The following RALGPS2 variants were observed in gnomAD, a reference collection of about 807,000 sequenced individuals.
RALGPS2 encodes the protein Ral GEF with PH domain and SH3 binding motif 2.
In RALGPS2, 43 loss-of-function variants were observed where a neutral mutation model predicts 86.8. The ratio of observed to expected loss-of-function variants is 0.50; its 90% CI spans 0.39 to 0.64. The LOEUF is 0.64. Ranked by LOEUF, RALGPS2 falls within the 30% of genes least tolerant of loss-of-function variation. RALGPS2 has a pLI of 0.00. For missense variants in RALGPS2, 536 were observed against 694.6 expected, an observed-to-expected ratio of 0.77 and a Z score of 2.57; for synonymous variants, 243 against 231.3, an observed-to-expected ratio of 1.05 and a Z score of -0.46.
intron 10 of RALGPS2, among the ~76,000 whole-genome samples, chr1:178,881,649 C>G (rs1659251347): frequency 6.6e-6 from 1 of 152,024 alleles, no homozygotes; most frequent in South Asian, 2.1e-4. Context: ...TGGGGTTTCA[C>G]CATATTGGCC....
intron 8 of RALGPS2, among the ~76,000 whole-genome samples, chr1:178,847,394 C>T (rs377257379): frequency 1.3e-5 from 2 of 151,674 alleles, no homozygotes; most frequent in South Asian, 2.1e-4. Flanking sequence ...TGCAGTGAGC[C>T]GAGATTGTGC....
intron 8 of RALGPS2, among the ~76,000 whole-genome samples, chr1:178,847,578 A>G (rs1168375073): frequency 6.6e-6 from 1 of 152,228 alleles, no homozygotes; most frequent in Non-Finnish European, 1.5e-5. Context: ...ACTAGAATAA[A>G]AAGACTAAAA....
intron 8 of RALGPS2, among the ~76,000 whole-genome samples, chr1:178,835,376 A>G (rs1252765482): frequency 4.1e-5 from 6 of 147,282 alleles, no homozygotes; most frequent in Non-Finnish European, 6.0e-5. Context: ...GAGCATTGTG[A>G]TATCTTCTTT....
intron 6 of RALGPS2, among the ~76,000 whole-genome samples, chr1:178,818,701 A>C (rs1375179833): frequency 6.6e-6 from 1 of 152,238 alleles, no homozygotes; most frequent in Non-Finnish European, 1.5e-5. Flanking sequence ...ATTTTACTTT[A>C]GCAAAATCTG....
At position 178,886,068 on chromosome 1, in the gene RALGPS2, G is replaced by T. The variant is rs769742333; in HGVS notation, c.1140G>T (p.Ala380=). The T allele has an allele frequency of 1.2e-6, 2 of 1,613,532 alleles. No homozygotes were observed. Among genetic ancestry groups the T allele is most frequent in the Admixed American group, 3.3e-5 (2 of 59,902 alleles). ...LLDDSVMEPH[A]PSRGQAESST... is the part of the protein sequence containing the mutation. Reference sequence around the variant, plus strand: ...ATGATAGCGTCATGGAGCCCCATGCGCCATCTCGAGGCCAAGCTGAAAGTT... The same window carrying T: ...ATGATAGCGTCATGGAGCCCCATGCTCCATCTCGAGGCCAAGCTGAAAGTT... Residue 380 remains alanine (A), a synonymous_variant, in exon 13 of 20, where the codon GCG becomes GCT. Coordinates refer to ENST00000367635, the MANE Select transcript of RALGPS2 (RefSeq NM_152663.5).
At chr1:178,877,353 C>G in intron 8 of RALGPS2, 145 bp from the exon 9 acceptor site, 1 of 1,264,570 alleles carries the variant, frequency 7.9e-7, no homozygotes, top group Non-Finnish European at 1.1e-6. Flanking sequence ...CATATGTTAC[C>G]CAGGCTTCAG....
intron 6 of RALGPS2, among the ~76,000 whole-genome samples, chr1:178,819,042 G>A (rs1350129419): frequency 6.7e-6 from 1 of 149,110 alleles, no homozygotes; most frequent in East Asian, 2.0e-4. Flanking sequence ...AGGCTAGAGT[G>A]CAGTGGCTCA....
rs762622080 is a variant in RALGPS2 at position 178,852,312 on chromosome 1, A to C, written c.607+18762A>C. On this transcript the variant is annotated intron_variant, in intron 8 of 19. Coordinates refer to ENST00000367635, the MANE Select transcript of RALGPS2 (RefSeq NM_152663.5). Reference sequence around the variant, plus strand: ...TGTTTTGTCTCTCCTCCAGTGAGTAAGCTCCAAAGGGCGGGAACTTTGTTC... The same window carrying C: ...TGTTTTGTCTCTCCTCCAGTGAGTACGCTCCAAAGGGCGGGAACTTTGTTC... Among the ~76,000 whole-genome samples, 74 of 152,158 alleles carry C rather than the reference A, an allele frequency of 4.9e-4. 1 individual carries two copies. Among genetic ancestry groups the C allele is most frequent in the Admixed American group, 4.8e-3 (74 of 15,260 alleles).
intron 1 of RALGPS2, among the ~76,000 whole-genome samples, chr1:178,738,344 G>T (rs1650838798): frequency 6.6e-6 from 1 of 151,798 alleles, no homozygotes; most frequent in East Asian, 1.9e-4. Flanking sequence ...AAATAGCTGG[G>T]ATTACAGGCA....
At chr1:178,896,066 C>A (rs1222581900) in intron 16 of RALGPS2, among the ~76,000 whole-genome samples, 1 of 151,988 alleles carries the variant, frequency 6.6e-6, no homozygotes, top group Non-Finnish European at 1.5e-5. Context: ...AACTAAGGAA[C>A]TGTTATCCCA....
intron 14 of RALGPS2, 92 bp downstream of exon 14, chr1:178,889,788 T>G (rs1659644809): frequency 1.1e-6 from 1 of 888,530 alleles, no homozygotes; most frequent in African/African-American, 1.7e-5. Flanking sequence ...ATTTACTACA[T>G]ATCCCTAAGC....
At chr1:178,885,022 A>G in intron 11 of RALGPS2, 54 bp from the exon 12 acceptor site, 1 of 1,484,480 alleles carries the variant, frequency 6.7e-7, no homozygotes, top group Non-Finnish European at 9.0e-7. Context: ...TTTTCTTTCA[A>G]GGGACTGAAA....
intron 8 of RALGPS2, among the ~76,000 whole-genome samples, chr1:178,866,690 TTGTACTC>T (rs1658433494): frequency 6.6e-6 from 1 of 152,138 alleles, no homozygotes; most frequent in African/African-American, 2.4e-5. Context: ...AAGAACCTCT[TTGTACTC>T]TGTGCATGTT....
At chr1:178,903,108 G>A (rs1192034354) in intron 18 of RALGPS2, among the ~76,000 whole-genome samples, 6 of 152,052 alleles carry the variant, frequency 3.9e-5, no homozygotes. Flanking sequence ...CTGTTGACAA[G>A]TACCAGAAAG....
At chr1:178,875,455 CAT>C (rs1658959241) in intron 8 of RALGPS2, among the ~76,000 whole-genome samples, 1 of 151,904 alleles carries the variant, frequency 6.6e-6, no homozygotes, top group African/African-American at 2.4e-5. Context: ...GAGATTTAAA[CAT>C]GTATATTGGG....
At chr1:178,785,522 A>G (rs749387849) in intron 3 of RALGPS2, 35 bp from the exon 4 acceptor site, 5 of 1,560,062 alleles carry the variant, frequency 3.2e-6, no homozygotes, top group Non-Finnish European at 4.3e-6. Context: ...ATAGAATTCC[A>G]AAGAAGAAAT....
intron 8 of RALGPS2, among the ~76,000 whole-genome samples, chr1:178,866,964 G>C (rs560468955): frequency 7.9e-5 from 12 of 152,194 alleles, no homozygotes; most frequent in Admixed American, 6.6e-4. Context: ...TGTTCACTCT[G>C]TCAGATCTAC....
chr1:178,883,626 T>G, intron 11 of RALGPS2, 93 bp downstream of exon 11: 1 of 884,448 alleles, frequency 1.1e-6, no homozygotes, highest in Non-Finnish European at 1.8e-6. Flanking sequence ...TTAGTACATC[T>G]TATACTGCAT....
chr1:178,777,555 A>G (rs1171378150), intron 2 of RALGPS2, among the ~76,000 whole-genome samples: 51 of 151,554 alleles, frequency 3.4e-4, no homozygotes, highest in African/African-American at 7.3e-5. Context: ...TAAAGTTCAT[A>G]TGGAACCAAA....
Sources: gnomAD v4.1 joint callset for allele counts (sites outside exome capture counted in the v4.1 genomes callset) on GRCh38, gnomAD v4.1.1 for gene constraint, MANE v1.5 for transcripts, NCBI Gene and HGNC (gene_info 2026-07-23, HGNC 2026-07-21) for gene names.